NGEF: variants seen among roughly 807,000 people sequenced by gnomAD.
NGEF encodes ephexin-1.
A neutral mutation model predicts 80.9 loss-of-function variants in NGEF; 31 were observed. The observed-to-expected ratio is 0.38, with a 90% CI of 0.29 to 0.52. NGEF has a LOEUF of 0.52. Ranked by LOEUF, NGEF falls within the 20% of genes least tolerant of loss-of-function variation. The pLI, the probability that NGEF is intolerant of heterozygous loss-of-function variation, is 0.84. For missense variants in NGEF, 709 were observed against 926.2 expected, an observed-to-expected ratio of 0.77 and a Z score of 3.04; for synonymous variants, 371 against 370.2, an observed-to-expected ratio of 1.00 and a Z score of -0.03.
At chr2:232,928,227 C>T in intron 3 of NGEF, 3 of 919,206 alleles carry the variant, frequency 3.3e-6, no homozygotes, top group African/African-American at 3.7e-5. Flanking sequence ...GCGCGCGCGG[C>T]GGGGGCGAGG....
intron 1 of NGEF, among the ~76,000 whole-genome samples, chr2:232,999,890 C>T (rs111603122): frequency 0.018 from 2,705 of 152,324 alleles, 31 homozygotes; most frequent in Admixed American, 0.026. Context: ...CCTTTATTAA[C>T]CCATAGTCAG....
At position 232,995,821 on chromosome 2, in the gene NGEF, C is replaced by T. The variant is rs542239719; in HGVS notation, c.-75+17247G>A. Among the ~76,000 whole-genome samples the T allele has an allele frequency of 1.4e-4, 20 of 146,606 alleles. No individual in the cohort carries two copies. In the East Asian group the frequency reaches 3.6e-3, roughly 26 times the overall value. On this transcript the variant is annotated intron_variant, in intron 1 of 14. Coordinates refer to ENST00000264051, the MANE Select transcript of NGEF (RefSeq NM_019850.3). The stretch of plus-strand genomic sequence containing the variant: ...TATATGTATACATATAATACACATG[C>T]ATATTGTGTATATGTATATGTATAA...
intron 4 of NGEF, among the ~76,000 whole-genome samples, chr2:232,924,747 T>C (rs1693023878): frequency 6.6e-6 from 1 of 152,230 alleles, no homozygotes; most frequent in East Asian, 1.9e-4. Context: ...TGAGACACTT[T>C]TGTTGCTTAA....
chr2:232,928,995 G>A (rs1353923148), intron 3 of NGEF, among the ~76,000 whole-genome samples: 1 of 152,174 alleles, frequency 6.6e-6, no homozygotes, highest in African/African-American at 2.4e-5. Flanking sequence ...CAGGTGTGGC[G>A]AGGATATCTA....
intron 3 of NGEF, among the ~76,000 whole-genome samples, chr2:232,939,393 A>AGAGCAC (rs1693395510): frequency 6.6e-6 from 1 of 152,190 alleles, no homozygotes; most frequent in Non-Finnish European, 1.5e-5. Context: ...TAGTGCTAAA[A>AGAGCAC]TGCATTCACT....
chr2:232,941,119 G>A (rs746768261), intron 3 of NGEF, among the ~76,000 whole-genome samples: 10 of 152,160 alleles, frequency 6.6e-5, no homozygotes, highest in Non-Finnish European at 1.3e-4. Flanking sequence ...ATTGGTCGGA[G>A]ATGAAATCAT....
chr2:232,947,654 G>A (rs561289938), intron 3 of NGEF, among the ~76,000 whole-genome samples: 2 of 152,284 alleles, frequency 1.3e-5, no homozygotes, highest in East Asian at 3.9e-4. Context: ...CCTCAGCCAC[G>A]TAGAACTGTG....
At chr2:232,993,444 A>G (rs891378605) in intron 1 of NGEF, among the ~76,000 whole-genome samples, 1 of 151,926 alleles carries the variant, frequency 6.6e-6, no homozygotes, top group Non-Finnish European at 1.5e-5. Context: ...ATGTGGGGAA[A>G]TTGGAATCCT....
chr2:232,928,484 C>T (rs1002179503), intron 3 of NGEF, among the ~76,000 whole-genome samples: 2 of 152,014 alleles, frequency 1.3e-5, no homozygotes, highest in Non-Finnish European at 2.9e-5. Context: ...GCCCGCAGAC[C>T]TCCGCCTTGC....
intron 3 of NGEF, among the ~76,000 whole-genome samples, chr2:232,944,005 G>T (rs374772243): frequency 2.6e-5 from 4 of 151,918 alleles, no homozygotes; most frequent in East Asian, 3.9e-4. Context: ...GGCCGAGGCC[G>T]GCGGATCACC....
intron 5 of NGEF, among the ~76,000 whole-genome samples, chr2:232,912,721 T>G (rs1450078312): frequency 6.6e-6 from 1 of 152,166 alleles, no homozygotes; most frequent in South Asian, 2.1e-4. Flanking sequence ...ATTTATTTCA[T>G]TTGGGGTGAG....
chr2:232,979,387 C>T (rs200360967), intron 1 of NGEF, among the ~76,000 whole-genome samples: 1 of 77,078 alleles, frequency 1.3e-5, no homozygotes, highest in Non-Finnish European at 3.2e-5. Context: ...CACACACACA[C>T]ACACACACAG....
At chr2:232,968,093 C>CTTTTGTTTTTTTTTTTTTT (rs1694102079) in intron 3 of NGEF, among the ~76,000 whole-genome samples, 1 of 125,782 alleles carries the variant, frequency 8.0e-6, no homozygotes, top group Non-Finnish European at 1.6e-5. Context: ...ACAGACCTGG[C>CTTTTGTTTTTTTTTTTTTT]TTTTTTTTTT....
intron 1 of NGEF, among the ~76,000 whole-genome samples, chr2:232,993,196 T>TTATATATATCATATATATAAATAAA: frequency 7.5e-6 from 1 of 134,058 alleles, no homozygotes; most frequent in East Asian, 2.0e-4. Flanking sequence ...ATATATTTAT[T>TTATATATATCATATATATAAATAAA]TATATATATA....
chr2:232,944,863 T>A (rs868363133), intron 3 of NGEF, among the ~76,000 whole-genome samples: 25 of 151,434 alleles, frequency 1.7e-4, no homozygotes, highest in Admixed American at 5.3e-4. Flanking sequence ...GTGATTCTCC[T>A]GCTTCAGCCT....
At chr2:232,935,063 T>A (rs1456359701) in intron 3 of NGEF, among the ~76,000 whole-genome samples, 3 of 152,212 alleles carry the variant, frequency 2.0e-5, no homozygotes, top group Admixed American at 6.5e-5. Context: ...TTATATTTTT[T>A]AAAATAAGTA....
Position 232,908,146 on chromosome 2 carries a change from G to A in NGEF, c.828+12138C>T, listed in dbSNP as rs4973571. On this transcript the variant is annotated intron_variant, in intron 5 of 14. Transcript: ENST00000264051. Reference sequence around the variant, plus strand: ...AAAATAAAACAAATAAAATGTTTGCGTCTTTAAACAGCTGTATATTGTCTT... The same window carrying A: ...AAAATAAAACAAATAAAATGTTTGCATCTTTAAACAGCTGTATATTGTCTT... Among the ~76,000 whole-genome samples the A allele has an allele frequency of 2.8e-3, 427 of 152,250 alleles. 3 individuals carry two copies. The highest frequency in any genetic ancestry group is 0.018 in the Admixed American group (277 of 15,276).
At chr2:232,977,426 CG>C (rs935653914) in intron 1 of NGEF, among the ~76,000 whole-genome samples, 25 of 152,288 alleles carry the variant, frequency 1.6e-4, no homozygotes, top group African/African-American at 5.5e-4. Flanking sequence ...TGGGGGCTGA[CG>C]TCCCTGTCAC....
chr2:232,971,920 C>T (rs1694193919), intron 2 of NGEF, among the ~76,000 whole-genome samples: 1 of 152,186 alleles, frequency 6.6e-6, no homozygotes, highest in Non-Finnish European at 1.5e-5. Context: ...TTCCCCGACC[C>T]CCAACCTTGG....
Sources: gnomAD v4.1 joint callset for allele counts (sites outside exome capture counted in the v4.1 genomes callset) on GRCh38, gnomAD v4.1.1 for gene constraint, MANE v1.5 for transcripts, NCBI Gene and HGNC (gene_info 2026-07-23, HGNC 2026-07-21) for gene names.